Variants in CDKL5 observed in about 807,000 individuals in gnomAD.
CDKL5 encodes cyclin-dependent kinase-like 5.
A neutral mutation model predicts 61.7 loss-of-function variants in CDKL5; 8 were observed. That is an observed-to-expected ratio of 0.13 (90% CI 0.08 to 0.23). The LOEUF (loss-of-function observed/expected upper bound fraction) is 0.23, where lower values mean the gene tolerates loss of function less well. Ranked by LOEUF, CDKL5 falls within the 10% of genes least tolerant of loss-of-function variation. The pLI is 1.00. For synonymous variants in CDKL5, 275 were observed against 272.3 expected (o/e 1.01, Z -0.10); for missense variants, 440 against 734.5 (o/e 0.60, Z 4.63).
Position 18,631,959 on chromosome X carries a change from TG to T in CDKL5, c.*3209del. On this transcript the variant is annotated 3_prime_UTR_variant, in exon 18 of 18. Coordinates refer to ENST00000623535, the MANE Select transcript of CDKL5 (RefSeq NM_001323289.2). ...TCTGGGGACATTTGGTTGTCATAGCTGGGGGGGAGGTGATGGTATGCTACTG... is the reference window on the plus strand; with the variant it reads ...TCTGGGGACATTTGGTTGTCATAGCTGGGGGGAGGTGATGGTATGCTACTG... The T allele has an allele frequency of 1.1e-5, 7 of 643,442 alleles. No homozygotes were observed. The highest frequency in any genetic ancestry group is 8.0e-5 in the South Asian group (1 of 12,472). The allele number at this position is 643,442 out of a possible 1,213,427, so 53.0% of individuals were successfully genotyped here. A position where few individuals can be genotyped will look rare whatever the true frequency, so the allele number is the denominator to read the frequency against.
intron 16 of CDKL5, among the ~76,000 whole-genome samples, chrX:18,623,022 C>T (rs145059843): frequency 1.6e-3 from 179 of 111,690 alleles, no homozygotes; most frequent in African/African-American, 5.5e-3. Context: ...ATATCCAAAA[C>T]AGGGAAAAGT....
chrX:18,598,398 T>G, intron 10 of CDKL5, 64 bp from the exon 11 acceptor site: 1 of 963,702 alleles, frequency 1.0e-6, no homozygotes, highest in East Asian at 3.1e-5. Context: ...AAAAATAAGG[T>G]TTTTATTAGA....
chrX:18,437,846 A>T (rs955741775), intron 1 of CDKL5, among the ~76,000 whole-genome samples: 1 of 112,052 alleles, frequency 8.9e-6, no homozygotes, highest in African/African-American at 3.2e-5. Flanking sequence ...AATCTTTGCC[A>T]TACTAAGTTT....
Position 18,634,873 on chromosome X carries a change from A to C in CDKL5, c.*6116A>C, listed in dbSNP as rs1451484220. 6.7e-6 allele frequency: 5 copies of C among 747,317 alleles called. No homozygotes were observed. The African/African-American group carries it at 1.2e-4, about 18-fold the overall frequency. 61.6% of individuals were successfully genotyped at this position (747,317 alleles called of 1,213,427 possible). Reference sequence around the variant, plus strand: ...GCTTCTTCAATCTCTAGTAAGCTTGAAGGTGGTGTCTGGGAAGACACAGGG... The same window carrying C: ...GCTTCTTCAATCTCTAGTAAGCTTGCAGGTGGTGTCTGGGAAGACACAGGG... On this transcript the variant is annotated 3_prime_UTR_variant, in exon 18 of 18. Transcript: ENST00000623535.
intron 14 of CDKL5, among the ~76,000 whole-genome samples, chrX:18,611,204 G>A (rs1926539081): frequency 1.8e-5 from 2 of 110,926 alleles, no homozygotes; most frequent in South Asian, 7.6e-4. Context: ...GCCAAGGCAG[G>A]AGGATCACGA....
intron 1 of CDKL5, among the ~76,000 whole-genome samples, chrX:18,438,809 A>G (rs1931668436): frequency 1.8e-5 from 2 of 108,456 alleles, no homozygotes; most frequent in South Asian, 8.1e-4. Flanking sequence ...AAAAAAAAAA[A>G]GACAAGGATC....
intron 3 of CDKL5, among the ~76,000 whole-genome samples, chrX:18,556,265 A>G (rs1924597948): frequency 8.9e-6 from 1 of 112,385 alleles, no homozygotes; most frequent in African/African-American, 3.2e-5. Flanking sequence ...ACATATTATT[A>G]GAAAACTATT....
chrX:18,431,427 T>TC (rs1931485811), intron 1 of CDKL5, among the ~76,000 whole-genome samples: 1 of 106,250 alleles, frequency 9.4e-6, no homozygotes, highest in Admixed American at 1.0e-4. Context: ...TCTTTTCTTT[T>TC]TTTTTTTTTT....
chrX:18,549,735 G>A lies in CDKL5; in HGVS notation c.100-14742G>A, dbSNP rs757138305. On this transcript the variant is annotated intron_variant, in intron 3 of 17. Coordinates refer to ENST00000623535, the MANE Select transcript of CDKL5 (RefSeq NM_001323289.2). ...AGGTATATATTTCTTGTCATTCCCC[G>A]CCCCCATCACCTTAGGGAACTGAAA... Among the ~76,000 whole-genome samples the A allele has an allele frequency of 7.2e-5, 8 of 111,097 alleles. No homozygotes were observed. The East Asian group carries it at 1.7e-3, about 24-fold the overall frequency.
chrX:18,614,026 A>G (rs1362858059), intron 15 of CDKL5, among the ~76,000 whole-genome samples: 2 of 111,754 alleles, frequency 1.8e-5, no homozygotes, highest in African/African-American at 3.3e-5. Flanking sequence ...CTTCTCAACT[A>G]CCCTGAAAGA....
At chrX:18,525,354 C>T (rs144628760) in intron 3 of CDKL5, among the ~76,000 whole-genome samples, 1,944 of 111,825 alleles carry the variant, frequency 0.017, 47 homozygotes, top group African/African-American at 0.06. Context: ...CCACTTCAGC[C>T]TCCCAAAGTG....
intron 3 of CDKL5, among the ~76,000 whole-genome samples, chrX:18,520,390 C>T (rs759789618): frequency 8.9e-6 from 1 of 111,960 alleles, no homozygotes; most frequent in African/African-American, 3.2e-5. Flanking sequence ...AAAGTTTATC[C>T]ACGTTGTAGC....
At chrX:18,465,431 C>T (rs1045255120) in intron 1 of CDKL5, among the ~76,000 whole-genome samples, 2 of 111,048 alleles carry the variant, frequency 1.8e-5, no homozygotes, top group African/African-American at 3.3e-5. Context: ...TTTGGGAGGC[C>T]GAGGTGGGCG....
chrX:18,458,659 A>G (rs1217281386), intron 1 of CDKL5, among the ~76,000 whole-genome samples: 2 of 110,492 alleles, frequency 1.8e-5, no homozygotes, highest in Admixed American at 9.7e-5. Context: ...CGAGGCTGCA[A>G]TGAGCTGTGC....
intron 3 of CDKL5, among the ~76,000 whole-genome samples, chrX:18,528,311 A>C (rs1408571838): frequency 1.0e-5 from 1 of 99,512 alleles, no homozygotes; most frequent in Non-Finnish European, 2.0e-5. Flanking sequence ...ATCCAACTAT[A>C]GTAGTGGATT....
chrX:18,589,740 T>G (rs1032908039), intron 9 of CDKL5: 2 of 112,472 alleles, frequency 1.8e-5, no homozygotes, highest in African/African-American at 6.5e-5. Flanking sequence ...TGAACTAGTT[T>G]ACAGTCCCAC....
intron 1 of CDKL5, among the ~76,000 whole-genome samples, chrX:18,439,394 G>GGTGTGTGT (rs752724398): frequency 9.8e-6 from 1 of 101,910 alleles, no homozygotes; most frequent in African/African-American, 3.6e-5. Context: ...TTCCATAATA[G>GGTGTGTGT]GTGTGTGTGT....
At chrX:18,572,507 G>A (rs992314592) in intron 4 of CDKL5, among the ~76,000 whole-genome samples, 27 of 112,158 alleles carry the variant, frequency 2.4e-4, no homozygotes, top group African/African-American at 7.8e-4. Context: ...CACTGTCAGT[G>A]TTCTGTATCC....
rs374108136 is a variant in CDKL5, at chrX:18,623,222, C to T, written c.2377-1906C>T. On this transcript the variant is annotated intron_variant, in intron 16 of 17. Coordinates refer to ENST00000623535, the MANE Select transcript of CDKL5 (RefSeq NM_001323289.2). ...AGTATCTCAACTTGTGATGATGCTT[C>T]CATTTAAATATTGAAATTTCTGTTT... is the stretch of plus-strand genomic sequence containing the variant. Among the ~76,000 whole-genome samples the T allele has an allele frequency of 1.4e-4, 16 of 111,785 alleles. No individual in the cohort carries two copies. In the East Asian group the frequency reaches 2.2e-3, roughly 16 times the overall value.
Sources: allele counts gnomAD v4.1 joint callset (sites outside exome capture counted in the v4.1 genomes callset), GRCh38; gene constraint gnomAD v4.1.1; transcripts MANE v1.5; gene names NCBI Gene and HGNC (gene_info 2026-07-23, HGNC 2026-07-21).